Variants in DYNC2H1 observed in about 807,000 individuals in gnomAD.
The protein encoded by DYNC2H1 is cytoplasmic dynein 2 heavy chain 1.
In DYNC2H1, 410 loss-of-function variants were observed where a neutral mutation model predicts 570.0. The ratio of observed to expected loss-of-function variants is 0.72; its 90% CI spans 0.66 to 0.78. The LOEUF is 0.78. Among genes scored for constraint, DYNC2H1 ranks in the 30% least tolerant of loss-of-function variants. DYNC2H1 has a pLI of 0.00. For missense variants in DYNC2H1, 4,865 were observed against 5,046.4 expected (o/e 0.96, Z 1.09); for synonymous variants, 1,688 against 1,677.6 (o/e 1.01, Z -0.15).
At chr11:103,399,416 A>C (rs906079785) in intron 83 of DYNC2H1, among the ~76,000 whole-genome samples, 10 of 147,134 alleles carry the variant, frequency 6.8e-5, no homozygotes, top group African/African-American at 2.0e-4. Flanking sequence ...TTGGCCCCCC[A>C]GAGTGCTGGG....
chr11:103,365,198 C>T (rs140720704), intron 83 of DYNC2H1, among the ~76,000 whole-genome samples: 3,901 of 152,040 alleles, frequency 0.026, 65 homozygotes, highest in Non-Finnish European at 0.039. Flanking sequence ...CCTGTCTCTA[C>T]TGAAAATACA....
chr11:103,158,631 C>T lies in DYNC2H1; in HGVS notation c.4128-46C>T, dbSNP rs747961767. The T allele has an allele frequency of 4.3e-5, 63 of 1,465,196 alleles. No homozygotes were observed. The Admixed American group carries it at 7.9e-4, about 18-fold the overall frequency. The allele number at this position is 1,465,196 out of a possible 1,614,324, so 90.8% of individuals were successfully genotyped here. On this transcript the variant is annotated intron_variant, in intron 26 of 88. Transcript: ENST00000375735. The stretch of plus-strand genomic sequence containing the variant: ...GTCTTAATCTGTTTTTCTTACCCCC[C>T]CAAATTGTTAAAGTAGATGTGAAGA...
At chr11:103,372,311 G>T (rs1375840439) in intron 83 of DYNC2H1, among the ~76,000 whole-genome samples, 4 of 152,008 alleles carry the variant, frequency 2.6e-5, no homozygotes, top group African/African-American at 9.7e-5. Flanking sequence ...GAGCCTCCGC[G>T]CCCAGCCTTT....
In DYNC2H1 at chr11:103,369,803, C is replaced by A. The variant is rs1712653602; in HGVS notation, c.12156+11444C>A. Among the ~76,000 whole-genome samples, 1 of 152,172 alleles carries A rather than the reference C, an allele frequency of 6.6e-6. No individual in the cohort carries two copies. The stretch of plus-strand genomic sequence containing the variant: ...TGAAGATCCCTTGTGCCCTGCATAA[C>A]CAGCAGCAATACCCACGTGTACTAC... On this transcript the variant is annotated intron_variant, in intron 83 of 88. Coordinates refer to ENST00000375735, the MANE Select transcript of DYNC2H1 (RefSeq NM_001377.3). This position sits in a 1 kb window ranked among gnomAD's most constrained non-coding sequence, Gnocchi z 4.0.
At chr11:103,393,395 AT>A (rs879833395) in intron 83 of DYNC2H1, among the ~76,000 whole-genome samples, 1 of 152,224 alleles carries the variant, frequency 6.6e-6, no homozygotes, top group Non-Finnish European at 1.5e-5. Context: ...AGGCCAAATT[AT>A]GGAGCAGATA....
At chr11:103,474,521 TTTTCCTTGC>T (rs1464062492) in intron 88 of DYNC2H1, among the ~76,000 whole-genome samples, 5 of 152,180 alleles carry the variant, frequency 3.3e-5, no homozygotes, top group African/African-American at 1.2e-4. Context: ...TTGGTTTTGC[TTTTCCTTGC>T]TTTCTTTGGT....
intron 85 of DYNC2H1, among the ~76,000 whole-genome samples, chr11:103,438,775 C>G (rs1296592758): frequency 1.3e-5 from 2 of 152,174 alleles, no homozygotes; most frequent in Non-Finnish European, 2.9e-5. Flanking sequence ...CTGGAGATAT[C>G]AGGATTAGTA....
At position 103,257,689 on chromosome 11, in the gene DYNC2H1, A is replaced by T; in HGVS notation, c.10543A>T (p.Met3515Leu). 3 of 1,612,440 alleles carry T rather than the reference A, an allele frequency of 1.9e-6. No homozygotes were observed. The highest frequency in any genetic ancestry group is 2.5e-6 in the Non-Finnish European group (3 of 1,179,082). The change falls in exon 69 of 89, where the codon ATG becomes TTG. Residue 3515 changes from methionine (M) to leucine (L), a missense_variant. Transcript: ENST00000375735. ...TTCTGATTTGTCCAAAATTAATAAC[A>T]TGTACCGTTTTAGTTTGGCTGCTTT... ...IISDLSKINNMYRFSLAAFLR... is the reference protein window; with the variant it reads ...IISDLSKINNLYRFSLAAFLR...
chr11:103,354,191 A>C (rs1940206772), intron 82 of DYNC2H1, among the ~76,000 whole-genome samples: 2 of 151,060 alleles, frequency 1.3e-5, no homozygotes, highest in East Asian at 1.9e-4. Flanking sequence ...CAAAAAAAAA[A>C]AAAAAAAAAA....
At chr11:103,213,810 T>C (rs996126436) in intron 54 of DYNC2H1, among the ~76,000 whole-genome samples, 10 of 152,238 alleles carry the variant, frequency 6.6e-5, no homozygotes, top group Non-Finnish European at 2.9e-5. Context: ...TTTCCTTTGC[T>C]GTGAAGAAGC....
At chr11:103,368,318 C>T (rs1490290358) in intron 83 of DYNC2H1, among the ~76,000 whole-genome samples, 2 of 152,056 alleles carry the variant, frequency 1.3e-5, no homozygotes, top group East Asian at 1.9e-4. Context: ...GACAACATCT[C>T]GTTGTGGTTT....
chr11:103,461,311 T>A lies in DYNC2H1; in HGVS notation c.12648+4955T>A, dbSNP rs1032618688. On this transcript the variant is annotated intron_variant, in intron 87 of 88. Transcript: ENST00000375735. The surrounding 1 kb of genome is among the most constrained non-coding windows in gnomAD (Gnocchi z 4.8). ...TCACTATAATTTTATTAGTTTTTTT[T>A]AAAATCTCTATCACCATAGACTGAA... Among the ~76,000 whole-genome samples the A allele has an allele frequency of 2.0e-5, 3 of 152,228 alleles. No individual in the cohort carries two copies. Among genetic ancestry groups the A allele is most frequent in the Non-Finnish European group, 2.9e-5 (2 of 68,038 alleles).
In DYNC2H1 at chr11:103,256,735, A is replaced by G. The variant is rs987809259; in HGVS notation, c.10461+495A>G. On this transcript the variant is annotated intron_variant, in intron 68 of 88. Coordinates refer to ENST00000375735, the MANE Select transcript of DYNC2H1 (RefSeq NM_001377.3). This position sits in a 1 kb window ranked among gnomAD's most constrained non-coding sequence, Gnocchi z 4.0. ...AGTCATCTTCTCTACCTCTAGTTCCATCAGTGTTCTTATTGTCACCAATCC... is the reference window on the plus strand; with the variant it reads ...AGTCATCTTCTCTACCTCTAGTTCCGTCAGTGTTCTTATTGTCACCAATCC... Among the ~76,000 whole-genome samples, 6 of 152,138 alleles carry G rather than the reference A, an allele frequency of 3.9e-5. No homozygotes were observed. The highest frequency in any genetic ancestry group is 2.0e-4 in the Admixed American group (3 of 15,276).
chr11:103,169,508 G>C (rs1288857985), intron 32 of DYNC2H1, among the ~76,000 whole-genome samples: 1 of 152,056 alleles, frequency 6.6e-6, no homozygotes, highest in Non-Finnish European at 1.5e-5. Context: ...ACCTATGTTA[G>C]GAGAGCTGCC....
At chr11:103,182,028 G>C in intron 40 of DYNC2H1, 142 bp downstream of exon 40, 1 of 775,468 alleles carries the variant, frequency 1.3e-6, no homozygotes, top group South Asian at 2.1e-5. Context: ...CTACTCCTCT[G>C]TATCTCTTAG....
rs190769916 is a variant in DYNC2H1 at position 103,285,489 on chromosome 11, C to T, written c.10891-766C>T. ...CCAGGCTGGAGTGCAGTGGCGTGAT[C>T]TCGGCTCACTGCAACTTCTGCCTCC... is the stretch of plus-strand genomic sequence containing the variant. On this transcript the variant is annotated intron_variant, in intron 73 of 88. Coordinates refer to ENST00000375735, the MANE Select transcript of DYNC2H1 (RefSeq NM_001377.3). Among the ~76,000 whole-genome samples, 766 of 141,052 alleles carry T rather than the reference C, an allele frequency of 5.4e-3. 5 individuals carry two copies. The highest frequency in any genetic ancestry group is 0.019 in the African/African-American group (735 of 37,822). 92.5% of individuals were successfully genotyped at this position (141,052 alleles called of 152,430 possible). A position where few individuals can be genotyped will look rare whatever the true frequency, so the allele number is the denominator to read the frequency against.
intron 83 of DYNC2H1, among the ~76,000 whole-genome samples, chr11:103,376,097 T>C (rs1201867412): frequency 1.3e-5 from 2 of 152,232 alleles, no homozygotes; most frequent in Admixed American, 6.5e-5. Flanking sequence ...CTGATGGTTT[T>C]ATAAGCGTCT....
chr11:103,434,764 T>C (rs991340740), intron 84 of DYNC2H1, among the ~76,000 whole-genome samples: 5 of 152,128 alleles, frequency 3.3e-5, no homozygotes, highest in African/African-American at 9.7e-5. Context: ...AGCTCACTCA[T>C]GGTTAGCAAG....
chr11:103,280,303 A>T lies in DYNC2H1; in HGVS notation c.10696-45A>T. 1 of 1,541,042 alleles carries T rather than the reference A, an allele frequency of 6.5e-7. No homozygotes were observed. The highest frequency in any genetic ancestry group is 8.8e-7 in the Non-Finnish European group (1 of 1,138,560). ...TTTTAACGACTATGCTTTTCCAAAG[A>T]CACAAATTTTTAAAAGGCAAGATAA... On this transcript the variant is annotated intron_variant, in intron 70 of 88. Coordinates refer to ENST00000375735, the MANE Select transcript of DYNC2H1 (RefSeq NM_001377.3). This position sits in a 1 kb window ranked among gnomAD's most constrained non-coding sequence, Gnocchi z 4.7.
Sources: allele counts gnomAD v4.1 joint callset (sites outside exome capture counted in the v4.1 genomes callset), GRCh38; gene constraint gnomAD v4.1.1; non-coding constraint Gnocchi (gnomAD v3.1); transcripts MANE v1.5; gene names NCBI Gene and HGNC (gene_info 2026-07-23, HGNC 2026-07-21).